LOXHD1: variants seen among roughly 807,000 people sequenced by gnomAD.
LOXHD1 encodes lipoxygenase homology domain-containing protein 1.
In LOXHD1, 205 loss-of-function variants were observed where a neutral mutation model predicts 248.2. That is an observed-to-expected ratio of 0.83 (90% CI 0.74 to 0.93). The LOEUF (loss-of-function observed/expected upper bound fraction) is 0.93. Among genes scored for constraint, LOXHD1 ranks in the 40% least tolerant of loss-of-function variants. LOXHD1 has a pLI of 0.00. For missense variants in LOXHD1, 2,930 were observed against 2,971.6 expected (o/e 0.99, Z 0.33); for synonymous variants, 1,113 against 1,162.8 (o/e 0.96, Z 0.87).
Position 46,522,190 on chromosome 18 carries a change from A to G in LOXHD1, c.4996T>C (p.Tyr1666His). The G allele has an allele frequency of 6.4e-7, 1 of 1,551,752 alleles. No individual in the cohort carries two copies. Among genetic ancestry groups the G allele is most frequent in the Non-Finnish European group, 8.7e-7 (1 of 1,147,006 alleles). The change falls in exon 32 of 41, where the codon TAC becomes CAC. Residue 1666 changes from tyrosine to histidine, a missense_variant. Transcript: ENST00000642948. ...CTGAAGCCCCTCTTCCCTCGGGGGT[A>G]GTCCAACCAGATGCGCTTACTACGT... is the stretch of plus-strand genomic sequence containing the variant. ...DERSKRIWLD[Y>H]PRGKRGFSRG...
At chr18:46,518,307 C>A (rs2035377549) in intron 33 of LOXHD1, 51 bp from the exon 34 acceptor site, 1 of 1,539,488 alleles carries the variant, frequency 6.5e-7, no homozygotes, top group African/African-American at 1.4e-5. Flanking sequence ...CCTCCAACCC[C>A]ACCTGACCTG....
chr18:46,566,565 G>T, intron 16 of LOXHD1, 116 bp from the exon 17 acceptor site: 2 of 886,652 alleles, frequency 2.3e-6, no homozygotes, highest in South Asian at 3.2e-5. Flanking sequence ...CAGTCCCCAG[G>T]AGAGGGAAGA....
intron 6 of LOXHD1, among the ~76,000 whole-genome samples, 200 bp from the exon 7 acceptor site, chr18:46,604,429 G>A (rs889408771): frequency 2.6e-5 from 4 of 152,186 alleles, no homozygotes; most frequent in Non-Finnish European, 5.9e-5. Flanking sequence ...GGGATGACTG[G>A]CGATTACCTT....
At chr18:46,633,436 T>C (rs142478091) in intron 4 of LOXHD1, among the ~76,000 whole-genome samples, 32 of 152,316 alleles carry the variant, frequency 2.1e-4, no homozygotes, top group African/African-American at 7.0e-4. Context: ...AAGAGTGAAG[T>C]TGGACCTTGA....
chr18:46,634,039 G>T (rs527849752), intron 4 of LOXHD1, among the ~76,000 whole-genome samples: 5 of 152,332 alleles, frequency 3.3e-5, no homozygotes, highest in East Asian at 3.9e-4. Flanking sequence ...CAGTATGGTG[G>T]TTACTCAAAA....
intron 19 of LOXHD1, 32 bp downstream of exon 19, chr18:46,560,051 C>CGGG: frequency 8.5e-5 from 111 of 1,310,622 alleles, no homozygotes; most frequent in Middle Eastern, 1.9e-4. Context: ...TGGCCACTCC[C>CGGG]TCCCCACCCC....
intron 19 of LOXHD1, 131 bp from the exon 20 acceptor site, chr18:46,559,733 A>G: frequency 4.7e-6 from 5 of 1,069,358 alleles, no homozygotes; most frequent in Non-Finnish European, 1.3e-6. Context: ...CTAACCTGGG[A>G]CTGAAACTGC....
In LOXHD1 at chr18:46,657,125, G is replaced by T. The variant is rs2039193801; in HGVS notation, c.-92C>A. 1.3e-6 allele frequency: 2 copies of T among 1,541,306 alleles called. No individual in the cohort carries two copies. Among genetic ancestry groups the T allele is most frequent in the Non-Finnish European group, 8.8e-7 (1 of 1,142,138 alleles). ...TGAGACCTCCTCCCTGAGCTCTGGC[G>T]CCCACGGCCCTCCTATAGCTCAGGC... On this transcript the variant is annotated 5_prime_UTR_variant, in exon 1 of 41. Coordinates refer to ENST00000642948, the MANE Select transcript of LOXHD1 (RefSeq NM_001384474.1).
chr18:46,619,185 T>C (rs1169710960), intron 4 of LOXHD1, among the ~76,000 whole-genome samples: 1 of 152,204 alleles, frequency 6.6e-6, no homozygotes, highest in African/African-American at 2.4e-5. Context: ...TTTTCCCTTC[T>C]TACAGTGGCT....
rs2032086119 is a variant in LOXHD1 at position 46,477,371 on chromosome 18, A to C, written c.*101T>G. 2.0e-6 allele frequency: 3 copies of C among 1,492,398 alleles called. No homozygotes were observed. In the South Asian group the frequency reaches 3.8e-5, roughly 19 times the overall value. The allele number at this position is 1,492,398 out of a possible 1,614,324, so 92.4% of individuals were successfully genotyped here. On this transcript the variant is annotated 3_prime_UTR_variant, in exon 41 of 41. Coordinates refer to ENST00000642948, the MANE Select transcript of LOXHD1 (RefSeq NM_001384474.1). Reference sequence around the variant, plus strand: ...AGTTCTCAGTGGACTGCTAGCCCCCAGTGCCAATGCTAGAGGCTTTGAAGG... The same window carrying C: ...AGTTCTCAGTGGACTGCTAGCCCCCCGTGCCAATGCTAGAGGCTTTGAAGG...
At chr18:46,545,448 G>A (rs1282389673) in intron 22 of LOXHD1, 27 bp from the exon 23 acceptor site, 1 of 1,493,412 alleles carries the variant, frequency 6.7e-7, no homozygotes, top group Admixed American at 2.0e-5. Flanking sequence ...ATAGAGCAAT[G>A]AATTGTAGAC....
chr18:46,603,996 A>G, intron 7 of LOXHD1, 110 bp downstream of exon 7: 2 of 1,418,860 alleles, frequency 1.4e-6, no homozygotes, highest in South Asian at 1.4e-5. Flanking sequence ...CTGTCTGCAG[A>G]CCCAGCTGGC....
At chr18:46,555,627 G>GC (rs2037295557) in intron 21 of LOXHD1, among the ~76,000 whole-genome samples, 1 of 152,036 alleles carries the variant, frequency 6.6e-6, no homozygotes, top group Non-Finnish European at 1.5e-5. Context: ...GCACTGGCAG[G>GC]CCCTCAGCAG....
intron 40 of LOXHD1, among the ~76,000 whole-genome samples, chr18:46,478,328 C>G (rs1413043258): frequency 6.6e-6 from 1 of 152,078 alleles, no homozygotes; most frequent in Non-Finnish European, 1.5e-5. Flanking sequence ...GGATTACAGG[C>G]GTGAGCCACT....
intron 1 of LOXHD1, among the ~76,000 whole-genome samples, chr18:46,650,298 T>C (rs2039092517): frequency 1.3e-5 from 2 of 152,222 alleles, no homozygotes; most frequent in Admixed American, 1.3e-4. Flanking sequence ...GAGAAAATAA[T>C]AATTCCACGT....
intron 37 of LOXHD1, among the ~76,000 whole-genome samples, chr18:46,505,182 CCTT>C (rs1262061124): frequency 1.3e-5 from 2 of 151,414 alleles, no homozygotes; most frequent in East Asian, 1.9e-4. Context: ...AAGCATAATC[CCTT>C]CTTTTTTTTT....
chr18:46,507,471 G>A (rs1377811117), intron 36 of LOXHD1, 67 bp downstream of exon 36: 2 of 1,534,094 alleles, frequency 1.3e-6, no homozygotes, highest in Non-Finnish European at 1.8e-6. Context: ...CAGAAACAAG[G>A]GCCTGAGCCC....
Position 46,572,662 on chromosome 18 carries a change from T to C in LOXHD1, c.1971-500A>G, listed in dbSNP as rs1041674821. The stretch of plus-strand genomic sequence containing the variant: ...CATAGAAAACAAGCACCTCTTTTTC[T>C]AAGAGCTTTCCATCCTCATGGCACT... On this transcript the variant is annotated intron_variant, in intron 14 of 40. Coordinates refer to ENST00000642948, the MANE Select transcript of LOXHD1 (RefSeq NM_001384474.1). 5.9e-5 allele frequency among the ~76,000 whole-genome samples: 9 copies of C among 152,154 alleles called. No individual in the cohort carries two copies. The East Asian group carries it at 1.7e-3, about 29-fold the overall frequency.
At chr18:46,606,112 T>G (rs1568213473) in intron 6 of LOXHD1, among the ~76,000 whole-genome samples, 1 of 152,016 alleles carries the variant, frequency 6.6e-6, no homozygotes. Flanking sequence ...AAGACTACAA[T>G]GAAAAGGCAA....
Sources: allele counts gnomAD v4.1 joint callset (sites outside exome capture counted in the v4.1 genomes callset), GRCh38; gene constraint gnomAD v4.1.1; transcripts MANE v1.5; gene names NCBI Gene and HGNC (gene_info 2026-07-23, HGNC 2026-07-21).